GHR: variants seen among roughly 807,000 people sequenced by gnomAD.
The protein encoded by GHR is GH receptor.
Under a neutral mutation model 67.1 loss-of-function variants are expected in GHR, and 35 were observed. That is an observed-to-expected ratio of 0.52 (90% confidence interval 0.40 to 0.69). The LOEUF (loss-of-function observed/expected upper bound fraction) is 0.69. Ranked by LOEUF, GHR falls within the 30% of genes least tolerant of loss-of-function variation. GHR has a pLI of 0.00. For missense variants in GHR, 792 were observed against 764.6 expected (o/e 1.04, Z -0.42); for synonymous variants, 272 against 269.1 (o/e 1.01, Z -0.10).
At chr5:42,669,284 A>G (rs982201701) in intron 3 of GHR, among the ~76,000 whole-genome samples, 1 of 152,210 alleles carries the variant, frequency 6.6e-6, no homozygotes, top group Non-Finnish European at 1.5e-5. Context: ...GCTCATCACA[A>G]AAGACCCTAT....
chr5:42,509,987 T>C (rs1746942038), intron 1 of GHR, among the ~76,000 whole-genome samples: 2 of 152,230 alleles, frequency 1.3e-5, no homozygotes, highest in African/African-American at 4.8e-5. Flanking sequence ...TCTATTCAAC[T>C]ACCTAGCTGG....
In GHR at chr5:42,711,328, T is replaced by C; in HGVS notation, c.740T>C (p.Leu247Pro). ...AATTATGGCGAGTTCAGTGAGGTGC[T>C]CTATGTAACACTTCCTCAGATGAGC... ...SGNYGEFSEV[L>P]YVTLPQMSQF... Residue 247 changes from leucine (L) to proline (P), a missense_variant, in exon 7 of 10, where the codon CTC (leucine) becomes CCC (proline). Coordinates refer to ENST00000230882, the MANE Select transcript of GHR (RefSeq NM_000163.5). 1.2e-6 allele frequency: 2 copies of C among 1,613,316 alleles called. No homozygotes were observed. The highest frequency in any genetic ancestry group is 1.1e-5 in the South Asian group (1 of 91,072).
chr5:42,646,003 A>C (rs1227995969), intron 3 of GHR, among the ~76,000 whole-genome samples: 1 of 152,210 alleles, frequency 6.6e-6, no homozygotes, highest in Non-Finnish European at 1.5e-5. Flanking sequence ...TCTTAAAAAT[A>C]ATTATTAAAA....
chr5:42,708,765 A>G (rs1020094500), intron 6 of GHR, among the ~76,000 whole-genome samples: 2 of 152,232 alleles, frequency 1.3e-5, no homozygotes, highest in African/African-American at 4.8e-5. Flanking sequence ...ACCCTGTGCC[A>G]GGTACTTGTG....
At chr5:42,610,191 G>C (rs1297350861) in intron 2 of GHR, among the ~76,000 whole-genome samples, 1 of 152,186 alleles carries the variant, frequency 6.6e-6, no homozygotes, top group Non-Finnish European at 1.5e-5. Flanking sequence ...AGGAGTCAAA[G>C]AAAATGTCCT....
intron 3 of GHR, among the ~76,000 whole-genome samples, chr5:42,675,724 A>G (rs1756539305): frequency 6.6e-6 from 1 of 152,246 alleles, no homozygotes; most frequent in African/African-American, 2.4e-5. Context: ...GATAAATGCC[A>G]ATAGTAGTAT....
intron 3 of GHR, among the ~76,000 whole-genome samples, chr5:42,683,835 A>G (rs1757006033): frequency 6.6e-6 from 1 of 152,218 alleles, no homozygotes; most frequent in African/African-American, 2.4e-5. Context: ...TAAATTTCCT[A>G]TTTCTTATTT....
chr5:42,514,206 G>T, intron 1 of GHR: 1 of 985,216 alleles, frequency 1.0e-6, no homozygotes, highest in South Asian at 4.7e-5. Flanking sequence ...ACCTACAAGT[G>T]CCTTCTGGGT....
chr5:42,488,177 G>A (rs553089574), intron 1 of GHR, among the ~76,000 whole-genome samples: 17 of 152,214 alleles, frequency 1.1e-4, no homozygotes, highest in Admixed American at 7.9e-4. Context: ...TCTGATTATA[G>A]TACTAAACTC....
intron 2 of GHR, among the ~76,000 whole-genome samples, chr5:42,581,372 T>C (rs574989213): frequency 6.6e-6 from 1 of 152,322 alleles, no homozygotes; most frequent in South Asian, 2.1e-4. Context: ...TGTTATGGAA[T>C]TGTGAAAACT....
intron 6 of GHR, among the ~76,000 whole-genome samples, chr5:42,703,823 T>G (rs1758045531): frequency 6.6e-6 from 1 of 151,948 alleles, no homozygotes; most frequent in African/African-American, 2.4e-5. Flanking sequence ...AAGGGATTTC[T>G]TTATTTCTTT....
intron 1 of GHR, among the ~76,000 whole-genome samples, chr5:42,474,496 A>C (rs1745206621): frequency 6.6e-6 from 1 of 152,096 alleles, no homozygotes; most frequent in Non-Finnish European, 1.5e-5. Context: ...ACCCTCTGAG[A>C]GGCTTGCAAA....
At chr5:42,554,158 C>A (rs550320331) in intron 1 of GHR, among the ~76,000 whole-genome samples, 2 of 152,160 alleles carry the variant, frequency 1.3e-5, no homozygotes, top group Non-Finnish European at 2.9e-5. Flanking sequence ...TGATCCAATT[C>A]ATCTATGATA....
chr5:42,712,810 G>C (rs959311530), intron 7 of GHR, among the ~76,000 whole-genome samples: 3 of 151,666 alleles, frequency 2.0e-5, no homozygotes, highest in Non-Finnish European at 4.4e-5. Flanking sequence ...GGGAGCCTCA[G>C]TAGTGATCTT....
chr5:42,692,650 G>A (rs968344505), intron 4 of GHR, among the ~76,000 whole-genome samples: 2 of 152,122 alleles, frequency 1.3e-5, no homozygotes, highest in Non-Finnish European at 2.9e-5. Context: ...TTGTCCTGTG[G>A]AGTTCATGGA....
rs370458199 is a variant in GHR at position 42,489,093 on chromosome 5, A to C, written c.-12+65138A>C. On this transcript the variant is annotated intron_variant, in intron 1 of 9. Transcript: ENST00000230882. ...CTTTGCCTTCTTATCCTGTTTCTCT[A>C]CTTCTCACTTTCTGCCCTATACGTA... Among the ~76,000 whole-genome samples the C allele has an allele frequency of 2.0e-4, 30 of 151,544 alleles. 1 individual carries two copies. The South Asian group carries it at 6.3e-3, about 32-fold the overall frequency.
intron 1 of GHR, among the ~76,000 whole-genome samples, chr5:42,508,428 C>G (rs536646868): frequency 2.0e-5 from 3 of 152,210 alleles, no homozygotes; most frequent in Non-Finnish European, 4.4e-5. Context: ...GACCCACACT[C>G]TTGCCAGCCT....
At chr5:42,436,599 A>G (rs889900909) in intron 1 of GHR, among the ~76,000 whole-genome samples, 2 of 152,224 alleles carry the variant, frequency 1.3e-5, no homozygotes, top group Non-Finnish European at 2.9e-5. Context: ...ATACATGGCT[A>G]ATAACAGGCA....
chr5:42,700,420 G>A (rs957567532), intron 6 of GHR, among the ~76,000 whole-genome samples: 53 of 152,228 alleles, frequency 3.5e-4, no homozygotes, highest in African/African-American at 1.2e-3. Context: ...AAATTCATAC[G>A]TGTCTATAGG....
Sources: gnomAD v4.1 joint callset for allele counts (sites outside exome capture counted in the v4.1 genomes callset) on GRCh38, gnomAD v4.1.1 for gene constraint, MANE v1.5 for transcripts, NCBI Gene and HGNC (gene_info 2026-07-23, HGNC 2026-07-21) for gene names.